Variants in PEX11B observed in about 807,000 individuals in gnomAD.
PEX11B encodes the protein peroxisomal biogenesis factor 11 beta, also known as peroxisomal membrane protein 11B.
A neutral mutation model predicts 28.2 loss-of-function variants in PEX11B; 18 were observed. That is an observed-to-expected ratio of 0.64 (90% CI 0.44 to 0.95). PEX11B has a LOEUF of 0.95. PEX11B is among the 40% of genes least tolerant of loss of function. The pLI, the probability that PEX11B is intolerant of heterozygous loss-of-function variation, is 0.00. For missense variants in PEX11B, 305 were observed against 319.8 expected (o/e 0.95, Z 0.35); for synonymous variants, 128 against 128.7 (o/e 0.99, Z 0.04).
At chr1:145,917,838 G>GT in intron 1 of PEX11B, 22 bp from the exon 2 acceptor site, 3 of 1,552,370 alleles carry the variant, frequency 1.9e-6, no homozygotes, top group Non-Finnish European at 2.7e-6. Context: ...GGCAGGCAAG[G>GT]TAAGGTGGAG....
At chr1:145,916,000 T>C (rs1461793473) in intron 3 of PEX11B, among the ~76,000 whole-genome samples, 1 of 152,208 alleles carries the variant, frequency 6.6e-6, no homozygotes, top group African/African-American at 2.4e-5. Flanking sequence ...GTCATTTCCC[T>C]GCTCAGAATC....
Position 145,916,705 on chromosome 1 carries a change from T to C in PEX11B, c.374+112A>G, listed in dbSNP as rs1570935096. The stretch of plus-strand genomic sequence containing the variant: ...AAGTGATTGGAAGCCAAGTGACTGA[T>C]CAAGACTTATATACTCTGGAAAGAT... On this transcript the variant is annotated intron_variant, in intron 3 of 3. Coordinates refer to ENST00000369306, the MANE Select transcript of PEX11B (RefSeq NM_003846.3). The C allele has an allele frequency of 5.3e-6, 4 of 754,460 alleles. No homozygotes were observed. The East Asian group carries it at 1.0e-4, about 19-fold the overall frequency. The allele number at this position is 754,460 out of a possible 1,614,324, so 46.7% of individuals were successfully genotyped here.
intron 3 of PEX11B, among the ~76,000 whole-genome samples, chr1:145,914,185 C>T (rs923170652): frequency 6.6e-5 from 10 of 152,232 alleles, no homozygotes; most frequent in African/African-American, 2.2e-4. Context: ...ACTAGCCTGA[C>T]CAACGTGGTG....
In PEX11B at chr1:145,916,812, C is replaced by T. The variant is rs1647397657; in HGVS notation, c.374+5G>A. ...AAAATCTTAAAGGAGAACAGGATAT[C>T]AAACCTGAATGAACGCTGGGCCCAC... On this transcript the variant is annotated splice_donor_5th_base_variant and intron_variant, in intron 3 of 3. Transcript: ENST00000369306. 3 of 1,610,286 alleles carry T rather than the reference C, an allele frequency of 1.9e-6. No individual in the cohort carries two copies. The highest frequency in any genetic ancestry group is 2.5e-6 in the Non-Finnish European group (3 of 1,176,776).
rs587719357 is a variant in PEX11B at position 145,912,924 on chromosome 1, C to T, written c.375-358G>A. Among the ~76,000 whole-genome samples, 11 of 152,182 alleles carry T rather than the reference C, an allele frequency of 7.2e-5. No homozygotes were observed. The South Asian group carries it at 1.2e-3, about 17-fold the overall frequency. On this transcript the variant is annotated intron_variant, in intron 3 of 3. Coordinates refer to ENST00000369306, the MANE Select transcript of PEX11B (RefSeq NM_003846.3). ...CCAACATGGTGAAACCCCGTCCCTA[C>T]TAAAAATACAAAAATTGGCCAGTTG...
chr1:145,914,325 G>C (rs1173523491), intron 3 of PEX11B, among the ~76,000 whole-genome samples: 2 of 149,952 alleles, frequency 1.3e-5, no homozygotes, highest in Non-Finnish European at 2.9e-5. Context: ...AGTGAGCTGA[G>C]ATTGCACCAT....
intron 3 of PEX11B, among the ~76,000 whole-genome samples, chr1:145,916,139 A>G (rs1471262724): frequency 3.3e-5 from 5 of 152,174 alleles, no homozygotes; most frequent in Non-Finnish European, 7.3e-5. Flanking sequence ...TGTCAATCAC[A>G]CTGGCTTTCT....
chr1:145,916,218 G>C (rs1364038185), intron 3 of PEX11B, among the ~76,000 whole-genome samples: 4 of 152,120 alleles, frequency 2.6e-5, no homozygotes, highest in Admixed American at 2.6e-4. Context: ...AATTTTCTCT[G>C]TTTGGAAATG....
intron 3 of PEX11B, among the ~76,000 whole-genome samples, chr1:145,914,086 C>A (rs1320028851): frequency 6.6e-6 from 1 of 152,118 alleles, no homozygotes; most frequent in Non-Finnish European, 1.5e-5. Flanking sequence ...TTAAAACTCT[C>A]CATGGTTGGC....
intron 3 of PEX11B, among the ~76,000 whole-genome samples, chr1:145,915,053 G>A (rs587601706): frequency 1.0e-3 from 154 of 152,160 alleles, no homozygotes; most frequent in African/African-American, 3.6e-3. Context: ...ACAGGCATGC[G>A]CCACCACACC....
chr1:145,917,057 T>G, intron 2 of PEX11B, 39 bp from the exon 3 acceptor site: 1 of 1,288,224 alleles, frequency 7.8e-7, no homozygotes, highest in Non-Finnish European at 1.1e-6. Flanking sequence ...GATTTGTAAG[T>G]GGAGAGGCAG....
At position 145,912,548 on chromosome 1, in the gene PEX11B, G is replaced by A. The variant is rs2101856479; in HGVS notation, c.393C>T (p.Leu131=). The A allele has an allele frequency of 6.7e-7, 1 of 1,491,174 alleles. No individual in the cohort carries two copies. The highest frequency in any genetic ancestry group is 8.9e-7 in the Non-Finnish European group (1 of 1,119,710). The allele number at this position is 1,491,174 out of a possible 1,614,324, so 92.4% of individuals were successfully genotyped here. ...AAGCATCACGGCTCAAATTCATGAT[G>A]AGGGAAAACAAATAGTACCTGATAC... ...QRSFRYYLFS[L]IMNLSRDAYE... is the part of the protein sequence containing the mutation. The change falls in exon 4 of 4, where the codon CTC becomes CTT. Residue 131 remains leucine (L), a synonymous_variant. Transcript: ENST00000369306.
intron 3 of PEX11B, among the ~76,000 whole-genome samples, chr1:145,913,739 C>T (rs12239611): frequency 0.076 from 11,551 of 152,146 alleles, 1,387 homozygotes; most frequent in African/African-American, 0.25. Context: ...AATCCAATCC[C>T]TATTCCTTTA....
chr1:145,911,361 A>G lies in PEX11B; in HGVS notation c.*800T>C, dbSNP rs1351930621. The G allele has an allele frequency of 6.6e-6, 1 of 152,308 alleles. No homozygotes were observed. Among genetic ancestry groups the G allele is most frequent in the Non-Finnish European group, 1.5e-5 (1 of 68,066 alleles). The allele number at this position is 152,308 out of a possible 1,614,324, so 9.4% of individuals were successfully genotyped here. On this transcript the variant is annotated 3_prime_UTR_variant, in exon 4 of 4. Coordinates refer to ENST00000369306, the MANE Select transcript of PEX11B (RefSeq NM_003846.3). ...GACCAGACCAAATGTCGATGAGCAA[A>G]CTGAACTTTAATTTGCTTACCTGAA... is the stretch of plus-strand genomic sequence containing the variant.
At chr1:145,916,750 A>T in intron 3 of PEX11B, 67 bp downstream of exon 3, 2 of 1,099,410 alleles carry the variant, frequency 1.8e-6, no homozygotes, top group Admixed American at 1.7e-5. Flanking sequence ...TCTTTCCCTC[A>T]TATAAGACAA....
In PEX11B at chr1:145,916,935, T is replaced by G; in HGVS notation, c.256A>C (p.Ile86Leu). 1.9e-6 allele frequency: 3 copies of G among 1,613,860 alleles called. No homozygotes were observed. Among genetic ancestry groups the G allele is most frequent in the Non-Finnish European group, 2.5e-6 (3 of 1,179,704 alleles). ...HLSDVVLRFC[I>L]TVSHLNRALY... ...GCTCGATTGAGGTGACTAACAGTGA[T>G]GCAGAATCTCAGGACAACATCTGAT... Residue 86 changes from isoleucine to leucine, a missense_variant, in exon 3 of 4, where the codon ATC becomes CTC. By Grantham distance (5) the Ile-to-Leu change is conservative. Transcript: ENST00000369306.
rs1553753187 is a variant in PEX11B, at chr1:145,912,205, A to G, written c.736T>C (p.Ser246Pro). The G allele has an allele frequency of 3.1e-6, 5 of 1,613,764 alleles. No homozygotes were observed. The South Asian group carries it at 5.5e-5, about 18-fold the overall frequency. ...CAGGGATAGATTAGGGTGAGAATAG[A>G]CAGGATGGAGGACACGAGGCCACAA... ...GLCGLVSSIL[S>P]ILTLIYPWLR... The change falls in exon 4 of 4, where the codon TCT (serine) becomes CCT (proline). Residue 246 changes from serine to proline, a missense_variant. Ser to Pro is a moderately conservative substitution (Grantham distance 74, BLOSUM62 -1). Transcript: ENST00000369306.
chr1:145,913,347 G>C (rs1657891213), intron 3 of PEX11B, among the ~76,000 whole-genome samples: 1 of 151,900 alleles, frequency 6.6e-6, no homozygotes, highest in Non-Finnish European at 1.5e-5. Context: ...TGAGGTGATG[G>C]ATATGTTAAT....
rs782621449 is a variant in PEX11B at position 145,912,328 on chromosome 1, G to T, written c.613C>A (p.Pro205Thr). ...LLLARVLRGH[P>T]PLLLDVVRNA... ...CTGACCACGTCTAGCAGAAGTGGGG[G>T]ATGACCTCTAAGGACTCGAGCCAGG... The change falls in exon 4 of 4, where the codon CCC (proline) becomes ACC (threonine). Residue 205 changes from proline to threonine, a missense_variant. By Grantham distance (38) the Pro-to-Thr change is conservative (BLOSUM62 -1). Coordinates refer to ENST00000369306, the MANE Select transcript of PEX11B (RefSeq NM_003846.3). The T allele has an allele frequency of 6.2e-7, 1 of 1,614,050 alleles. No individual in the cohort carries two copies. The highest frequency in any genetic ancestry group is 8.5e-7 in the Non-Finnish European group (1 of 1,179,978).
Sources: gnomAD v4.1 joint callset for allele counts (sites outside exome capture counted in the v4.1 genomes callset) on GRCh38, gnomAD v4.1.1 for gene constraint, MANE v1.5 for transcripts, NCBI Gene and HGNC (gene_info 2026-07-23, HGNC 2026-07-21) for gene names.